The following GBX2 variants were observed in gnomAD, a reference collection of about 807,000 sequenced individuals.
GBX2 encodes gastrulation brain homeobox 2, also known as homeobox protein GBX-2.
GBX2 carries 5 observed loss-of-function variants against 22.4 expected under a neutral mutation model. The observed-to-expected ratio is 0.22, with a 90% CI of 0.12 to 0.47. The LOEUF (loss-of-function observed/expected upper bound fraction) is 0.47, where lower values mean the gene tolerates loss of function less well. Ranked by LOEUF, GBX2 falls within the 20% of genes least tolerant of loss-of-function variation. GBX2 has a pLI of 0.99. For missense variants in GBX2, 470 were observed against 495.4 expected, an observed-to-expected ratio of 0.95 and a Z score of 0.49; for synonymous variants, 220 against 230.5, an observed-to-expected ratio of 0.95 and a Z score of 0.41.
Position 236,165,848 on chromosome 2 carries a change from A to T in GBX2, c.*66T>A. On this transcript the variant is annotated 3_prime_UTR_variant, in exon 2 of 2. Coordinates refer to ENST00000306318, the MANE Select transcript of GBX2 (RefSeq NM_001485.4). Reference sequence around the variant, plus strand: ...TGTTGCTTCAAACACAGTGGAGTCCACCATGGGTTCCCTCGGGTGCGGGGG... The same window carrying T: ...TGTTGCTTCAAACACAGTGGAGTCCTCCATGGGTTCCCTCGGGTGCGGGGG... The T allele has an allele frequency of 1.5e-6, 2 of 1,323,890 alleles. No individual in the cohort carries two copies. The highest frequency in any genetic ancestry group is 2.1e-6 in the Non-Finnish European group (2 of 953,628). The allele number at this position is 1,323,890 out of a possible 1,614,324, so 82.0% of individuals were successfully genotyped here. A position where few individuals can be genotyped will look rare whatever the true frequency, so the allele number is the denominator to read the frequency against.
At chr2:236,167,130 C>A (rs1379629250) in intron 1 of GBX2, 2 of 1,535,402 alleles carry the variant, frequency 1.3e-6, no homozygotes, top group African/African-American at 1.4e-5. Context: ...CTAGAGGCTG[C>A]AACCTACCCG....
In GBX2 at chr2:236,167,483, G is replaced by A. The variant is rs1464519501; in HGVS notation, c.489C>T (p.Ala163=). The A allele has an allele frequency of 6.3e-7, 1 of 1,585,966 alleles. No homozygotes were observed. Residue 163 remains alanine (A), a synonymous_variant, in exon 1 of 2, where the codon GCC becomes GCT. Coordinates refer to ENST00000306318, the MANE Select transcript of GBX2 (RefSeq NM_001485.4). Reference sequence around the variant, plus strand: ...CCTGCACCGTCTCGGCCGCGGAGAAGGCGAGCAGCGAGCCCTCTTTGGCCA... The same window carrying A: ...CCTGCACCGTCTCGGCCGCGGAGAAAGCGAGCAGCGAGCCCTCTTTGGCCA... ...GFLAKEGSLL[A]FSAAETVQAS...
intron 1 of GBX2, chr2:236,167,191 G>T: frequency 1.3e-6 from 2 of 1,535,326 alleles, no homozygotes; most frequent in Non-Finnish European, 1.7e-6. Context: ...CAAACGCATC[G>T]TCAGATAGAT....
Position 236,167,435 on chromosome 2 carries a change from C to T in GBX2, c.523+14G>A. 2 of 1,498,666 alleles carry T rather than the reference C, an allele frequency of 1.3e-6. No homozygotes were observed. The highest frequency in any genetic ancestry group is 1.8e-6 in the Non-Finnish European group (2 of 1,135,970). 92.8% of individuals were successfully genotyped at this position (1,498,666 alleles called of 1,614,324 possible). On this transcript the variant is annotated intron_variant, in intron 1 of 1. Coordinates refer to ENST00000306318, the MANE Select transcript of GBX2 (RefSeq NM_001485.4). Reference sequence around the variant, plus strand: ...CCCGCCCCCTCGTCCCGGCTGCGCGCGCCGCCGACTCACCGAGCGAAGCCT... The same window carrying T: ...CCCGCCCCCTCGTCCCGGCTGCGCGTGCCGCCGACTCACCGAGCGAAGCCT...
At position 236,166,778 on chromosome 2, in the gene GBX2, C is replaced by T. The variant is rs768537290; in HGVS notation, c.524-341G>A. Among the ~76,000 whole-genome samples, 1 of 152,176 alleles carries T rather than the reference C, an allele frequency of 6.6e-6. No individual in the cohort carries two copies. Among genetic ancestry groups the T allele is most frequent in the Non-Finnish European group, 1.5e-5 (1 of 68,038 alleles). On this transcript the variant is annotated intron_variant, in intron 1 of 1. Coordinates refer to ENST00000306318, the MANE Select transcript of GBX2 (RefSeq NM_001485.4). This position sits in a 1 kb window ranked among gnomAD's most constrained non-coding sequence, Gnocchi z 6.6. ...GCCCAAGAGATTGCCCGCTTTGTCC[C>T]TGGGGTGGGGACTGGTTGAGGACTG...
At chr2:236,163,359 T>A (rs2060221631), downstream of GBX2, among the ~76,000 whole-genome samples, 1 of 151,944 alleles carries the variant, frequency 6.6e-6, no homozygotes, top group Non-Finnish European at 1.5e-5. Context: ...CGTGCCTCCA[T>A]AGGGCGAGGA....
downstream of GBX2, among the ~76,000 whole-genome samples, chr2:236,164,282 C>G (rs983819510): frequency 3.3e-5 from 5 of 152,218 alleles, no homozygotes; most frequent in Non-Finnish European, 7.3e-5. Flanking sequence ...CCCTCCTTCC[C>G]CCACTCGAAA....
chr2:236,167,416 C>T (rs1180492964), intron 1 of GBX2, 33 bp downstream of exon 1: 1 of 1,466,946 alleles, frequency 6.8e-7, no homozygotes, highest in Non-Finnish European at 8.9e-7. Context: ...TCCTCCCGCC[C>T]CCTCGTCCCG....
At chr2:236,161,843 G>A (rs983657131), downstream of GBX2, among the ~76,000 whole-genome samples, 11 of 152,352 alleles carry the variant, frequency 7.2e-5, no homozygotes, top group South Asian at 6.2e-4. Context: ...TCTGCTGCCC[G>A]CGCTGCTGAA....
downstream of GBX2, chr2:236,165,133 T>C (rs6752442): frequency 0.44 from 67,028 of 152,112 alleles, 18,341 homozygotes; most frequent in African/African-American, 0.78. Flanking sequence ...GAGACCTGTT[T>C]CAGGGGACGT....
Position 236,167,933 on chromosome 2 carries a change from C to G in GBX2, c.39G>C (p.Gln13His). 6.4e-7 allele frequency: 1 copy of G among 1,562,952 alleles called. No homozygotes were observed. Among genetic ancestry groups the G allele is most frequent in the Non-Finnish European group, 8.6e-7 (1 of 1,156,924 alleles). Residue 13 changes from glutamine (Q) to histidine (H), a missense_variant, in exon 1 of 2, where the codon CAG (glutamine) becomes CAC (histidine). Transcript: ENST00000306318. Reference protein sequence around the residue: ...AAFPPSLMMMQRPLGSSTAFS... With the variant: ...AAFPPSLMMMHRPLGSSTAFS... ...AGGCGGTGCTACTCCCCAGCGGGCG[C>G]TGCATCATCATCAGCGACGGCGGGA...
chr2:236,167,836 T>C lies in GBX2; in HGVS notation c.136A>G (p.Met46Val), dbSNP rs368609531. The C allele has an allele frequency of 4.6e-5, 68 of 1,489,480 alleles. No individual in the cohort carries two copies. The African/African-American group carries it at 9.5e-4, about 21-fold the overall frequency. The allele number at this position is 1,489,480 out of a possible 1,614,324, so 92.3% of individuals were successfully genotyped here. ...PGHFVYTGYP[M>V]FMPYRPVVLP... is the part of the protein sequence containing the mutation. ...ACTACCGGCCGGTAGGGCATGAACA[T>C]GGGGTAGCCGGTGTAGACGAAATGG... is the stretch of plus-strand genomic sequence containing the variant. Residue 46 changes from methionine (M) to valine (V), a missense_variant, in exon 1 of 2, where the codon ATG becomes GTG. This residue lies in a region of GBX2 where 377 missense variants were observed against 358.6 expected (regional missense o/e 1.05). Coordinates refer to ENST00000306318, the MANE Select transcript of GBX2 (RefSeq NM_001485.4).
Position 236,167,867 on chromosome 2 carries a change from G to A in GBX2, c.105C>T (p.Ser35=), listed in dbSNP as rs1396924576. The A allele has an allele frequency of 6.5e-7, 1 of 1,546,602 alleles. No individual in the cohort carries two copies. Among genetic ancestry groups the A allele is most frequent in the Non-Finnish European group, 8.7e-7 (1 of 1,149,384 alleles). Residue 35 remains serine (S), a synonymous_variant, in exon 1 of 2, where the codon AGC becomes AGT. Coordinates refer to ENST00000306318, the MANE Select transcript of GBX2 (RefSeq NM_001485.4). ...AGCCGGTGTAGACGAAATGGCCGGG[G>A]CTGGGCTGCGGCGGGCTGCCGATCA... ...DSLIGSPPQP[S]PGHFVYTGYP...
chr2:236,166,521 C>A lies in GBX2; in HGVS notation c.524-84G>T. The A allele has an allele frequency of 8.6e-7, 1 of 1,161,806 alleles. No individual in the cohort carries two copies. Among genetic ancestry groups the A allele is most frequent in the South Asian group, 1.4e-5 (1 of 71,904 alleles). The allele number at this position is 1,161,806 out of a possible 1,614,324, so 72.0% of individuals were successfully genotyped here. On this transcript the variant is annotated intron_variant, in intron 1 of 1. Coordinates refer to ENST00000306318, the MANE Select transcript of GBX2 (RefSeq NM_001485.4). This position sits in a 1 kb window ranked among gnomAD's most constrained non-coding sequence, Gnocchi z 6.6. ...TTCCCACCGTCATTTGGACATTCCG[C>A]GCCCCCCGCCCCCCACCCTTTAGCG...
At chr2:236,161,488 C>A (rs2060213349), downstream of GBX2, among the ~76,000 whole-genome samples, 1 of 152,152 alleles carries the variant, frequency 6.6e-6, no homozygotes, top group South Asian at 2.1e-4. Context: ...CTGTTTACAC[C>A]CTAAGGGCCT....
rs1291783221 is a variant in GBX2 at position 236,168,092 on chromosome 2, G to T, written c.-121C>A. 8 of 1,068,910 alleles carry T rather than the reference G, an allele frequency of 7.5e-6. No individual in the cohort carries two copies. Among genetic ancestry groups the T allele is most frequent in the Non-Finnish European group, 9.8e-6 (8 of 819,774 alleles). The allele number at this position is 1,068,910 out of a possible 1,614,324, so 66.2% of individuals were successfully genotyped here. On this transcript the variant is annotated 5_prime_UTR_variant, in exon 1 of 2. Coordinates refer to ENST00000306318, the MANE Select transcript of GBX2 (RefSeq NM_001485.4). The stretch of plus-strand genomic sequence containing the variant: ...CCGGGCAGGGGCCGAGCGGGACCCG[G>T]AGAGCAGACGCCTCCGCCCCTCAGT...
rs902082239 is a variant in GBX2, at chr2:236,167,820, C to T, written c.152G>A (p.Arg51Gln). The change falls in exon 1 of 2, where the codon CGG becomes CAG. Residue 51 changes from arginine (R) to glutamine (Q), a missense_variant. This residue lies in a region of GBX2 where 377 missense variants were observed against 358.6 expected (regional missense o/e 1.05). Transcript: ENST00000306318. Reference sequence around the variant, plus strand: ...CGGCGGCGGCGGCAGCACTACCGGCCGGTAGGGCATGAACATGGGGTAGCC... The same window carrying T: ...CGGCGGCGGCGGCAGCACTACCGGCTGGTAGGGCATGAACATGGGGTAGCC... ...YTGYPMFMPY[R>Q]PVVLPPPPPP... 1.6e-5 allele frequency: 23 copies of T among 1,450,678 alleles called. No individual in the cohort carries two copies. The highest frequency in any genetic ancestry group is 2.5e-5 in the Admixed American group (1 of 39,846). The allele number at this position is 1,450,678 out of a possible 1,614,324, so 89.9% of individuals were successfully genotyped here.
At chr2:236,165,125 G>A (rs1328163518), downstream of GBX2, 1 of 152,180 alleles carries the variant, frequency 6.6e-6, no homozygotes, top group Non-Finnish European at 1.5e-5. Context: ...TGCCTAAGGA[G>A]ACCTGTTTCA....
At chr2:236,167,397 GC>G in intron 1 of GBX2, 51 bp downstream of exon 1, 1 of 1,365,054 alleles carries the variant, frequency 7.3e-7, no homozygotes, top group Non-Finnish European at 9.5e-7. Context: ...GCGCTGGCCC[GC>G]CCCCGCCTCC....
Sources: allele counts gnomAD v4.1 joint callset (sites outside exome capture counted in the v4.1 genomes callset), GRCh38; gene constraint gnomAD v4.1.1; regional missense constraint gnomAD v4.1.1; non-coding constraint Gnocchi (gnomAD v3.1); transcripts MANE v1.5; gene names NCBI Gene and HGNC (gene_info 2026-07-23, HGNC 2026-07-21).